Variants in NTM observed in about 807,000 individuals in gnomAD.
NTM encodes the protein IgLON family member 2.
Under a neutral mutation model 42.1 loss-of-function variants are expected in NTM, and 13 were observed. That is an observed-to-expected ratio of 0.31 (90% confidence interval 0.20 to 0.49). The LOEUF is 0.49. Among genes scored for constraint, NTM ranks in the 20% least tolerant of loss-of-function variants. NTM has a pLI of 0.99. For synonymous variants in NTM, 187 were observed against 179.2 expected (o/e 1.04, Z -0.35); for missense variants, 373 against 452.8 (o/e 0.82, Z 1.60).
At chr11:132,015,476 T>C (rs1362055420) in intron 2 of NTM, among the ~76,000 whole-genome samples, 2 of 151,972 alleles carry the variant, frequency 1.3e-5, no homozygotes, top group African/African-American at 4.8e-5. Flanking sequence ...TGTAGATTGC[T>C]TTGGGTAGTA....
intron 1 of NTM, among the ~76,000 whole-genome samples, chr11:131,594,621 A>G (rs1003394978): frequency 2.0e-5 from 3 of 152,112 alleles, no homozygotes; most frequent in Non-Finnish European, 2.9e-5. Flanking sequence ...CTGTTCTCCA[A>G]CTACGGGGCT....
intron 1 of NTM, among the ~76,000 whole-genome samples, chr11:131,702,752 T>C (rs2076203090): frequency 6.6e-6 from 1 of 152,212 alleles, no homozygotes; most frequent in African/African-American, 2.4e-5. Flanking sequence ...GAGAGAATAA[T>C]GTTGATTTTT....
intron 2 of NTM, among the ~76,000 whole-genome samples, chr11:132,070,812 T>C (rs2057484982): frequency 7.0e-6 from 1 of 142,058 alleles, no homozygotes; most frequent in African/African-American, 2.6e-5. Context: ...CGTCACAGGT[T>C]AGTTAACACG....
chr11:131,954,229 G>A (rs923878209), intron 2 of NTM, among the ~76,000 whole-genome samples: 11 of 152,212 alleles, frequency 7.2e-5, no homozygotes, highest in African/African-American at 2.2e-4. Flanking sequence ...AGCACAGGAC[G>A]CTTCACTCAG....
At chr11:132,191,403 C>T (rs2079305679) in intron 3 of NTM, among the ~76,000 whole-genome samples, 1 of 152,206 alleles carries the variant, frequency 6.6e-6, no homozygotes, top group African/African-American at 2.4e-5. Context: ...GCACACTGCC[C>T]AGGAGTGATC....
In NTM at chr11:132,146,792, C is replaced by G; in HGVS notation, c.400+278C>G. The G allele has an allele frequency of 2.4e-6, 1 of 412,188 alleles. No individual in the cohort carries two copies. Among genetic ancestry groups the G allele is most frequent in the Non-Finnish European group, 4.3e-6 (1 of 234,160 alleles). The allele number at this position is 412,188 out of a possible 1,614,324, so 25.5% of individuals were successfully genotyped here. ...ATTGCTCTTCTTGGCTTTTTTCTCC[C>G]CTAAGTTTTAGTTATTTTTGTTTGT... On this transcript the variant is annotated intron_variant, in intron 3 of 8. Coordinates refer to ENST00000683400, the MANE Select transcript of NTM (RefSeq NM_001352005.2). This position sits in a 1 kb window ranked among gnomAD's most constrained non-coding sequence, Gnocchi z 4.5.
intron 1 of NTM, among the ~76,000 whole-genome samples, chr11:131,717,361 T>A (rs1417917932): frequency 2.0e-5 from 3 of 152,286 alleles, no homozygotes; most frequent in Admixed American, 2.0e-4. Flanking sequence ...CATGACTGAT[T>A]AGTTTAGTAT....
rs1446801058 is a variant in NTM at position 131,424,595 on chromosome 11, C to CT, written c.82+53711dup. On this transcript the variant is annotated intron_variant, in intron 1 of 8. Transcript: ENST00000683400. ...TGCTTAGTTGTTTTTTATTTCTTTTCTTTTCTTTTTTTTTTTTTTTTTTGG... is the reference window on the plus strand; with the variant it reads ...TGCTTAGTTGTTTTTTATTTCTTTTCTTTTTCTTTTTTTTTTTTTTTTTTGG... Among the ~76,000 whole-genome samples the CT allele has an allele frequency of 4.5e-4, 18 of 39,624 alleles. 3 individuals are homozygous for CT. In the East Asian group the frequency reaches 9.5e-3, roughly 21 times the overall value. The allele number at this position is 39,624 out of a possible 152,430, so 26.0% of individuals were successfully genotyped here.
chr11:131,849,096 A>G (rs2045242740), intron 1 of NTM, among the ~76,000 whole-genome samples: 1 of 152,106 alleles, frequency 6.6e-6, no homozygotes, highest in Non-Finnish European at 1.5e-5. Flanking sequence ...AAGCTTCCCT[A>G]TTTTGGCTTA....
chr11:132,163,124 G>T lies in NTM; in HGVS notation c.400+16610G>T, dbSNP rs540732202. On this transcript the variant is annotated intron_variant, in intron 3 of 8. Coordinates refer to ENST00000683400, the MANE Select transcript of NTM (RefSeq NM_001352005.2). Reference sequence around the variant, plus strand: ...TGCAGAGAGGCCCTGCCTGCCATTTGTTCTGGCCCAGCCACGGGCAAGCAT... The same window carrying T: ...TGCAGAGAGGCCCTGCCTGCCATTTTTTCTGGCCCAGCCACGGGCAAGCAT... 3.3e-5 allele frequency among the ~76,000 whole-genome samples: 5 copies of T among 152,318 alleles called. No homozygotes were observed. In the South Asian group the frequency reaches 1.0e-3, roughly 32 times the overall value.
chr11:131,873,989 T>TTTAC (rs2048180259), intron 1 of NTM, among the ~76,000 whole-genome samples: 1 of 93,890 alleles, frequency 1.1e-5, no homozygotes, highest in East Asian at 3.4e-4. Context: ...ATATATTATA[T>TTTAC]ATATTATATT....
chr11:132,091,787 T>A (rs1473945446), intron 2 of NTM, among the ~76,000 whole-genome samples: 1 of 152,206 alleles, frequency 6.6e-6, no homozygotes, highest in Non-Finnish European at 1.5e-5. Context: ...CAGTCCCACG[T>A]GTTTTTATTA....
chr11:131,384,680 G>A (rs1943095756), intron 1 of NTM, among the ~76,000 whole-genome samples: 1 of 152,166 alleles, frequency 6.6e-6, no homozygotes, highest in Admixed American at 6.5e-5. Flanking sequence ...GGTGGGAGGA[G>A]TGGCGAATCC....
chr11:131,415,039 G>A (rs186852158), intron 1 of NTM, among the ~76,000 whole-genome samples: 1 of 152,316 alleles, frequency 6.6e-6, no homozygotes, highest in East Asian at 1.9e-4. Context: ...AGCCAGGTCA[G>A]ATTCTTCCCT....
intron 1 of NTM, among the ~76,000 whole-genome samples, chr11:131,415,970 G>A (rs1946903870): frequency 6.6e-6 from 1 of 152,160 alleles, no homozygotes; most frequent in Non-Finnish European, 1.5e-5. Context: ...AAGGTTGTCA[G>A]ACTTGGAAAA....
At chr11:131,973,211 A>G (rs1188797054) in intron 2 of NTM, among the ~76,000 whole-genome samples, 1 of 152,222 alleles carries the variant, frequency 6.6e-6, no homozygotes, top group East Asian at 1.9e-4. Flanking sequence ...GTCAGATGTC[A>G]TATCACCTCT....
intron 4 of NTM, among the ~76,000 whole-genome samples, chr11:132,283,449 T>C (rs911587673): frequency 2.0e-5 from 3 of 152,186 alleles, no homozygotes; most frequent in Non-Finnish European, 4.4e-5. Context: ...GATTCATTGT[T>C]CTAGTGCAGG....
In NTM at chr11:131,972,042, C is replaced by CAAAAAAAAAAAAA. The variant is rs61627120; in HGVS notation, c.167+60403_167+60415dup. On this transcript the variant is annotated intron_variant, in intron 2 of 8. Transcript: ENST00000683400. Reference sequence around the variant, plus strand: ...TGGGCGACAGAGTGAGACTCCGTCTCAAAAAAAAAAAAAAAAAAAAATTAG... The same window carrying CAAAAAAAAAAAAA: ...TGGGCGACAGAGTGAGACTCCGTCTCAAAAAAAAAAAAAAAAAAAAAAAAAAAAAAAAAATTAG... 7.7e-3 allele frequency among the ~76,000 whole-genome samples: 446 copies of CAAAAAAAAAAAAA among 57,756 alleles called. 37 individuals are homozygous for CAAAAAAAAAAAAA. Among genetic ancestry groups the CAAAAAAAAAAAAA allele is most frequent in the Middle Eastern group, 0.014 (1 of 70 alleles). The allele number at this position is 57,756 out of a possible 152,430, so 37.9% of individuals were successfully genotyped here.
intron 1 of NTM, among the ~76,000 whole-genome samples, chr11:131,552,731 T>C (rs2054866165): frequency 6.9e-6 from 1 of 144,436 alleles, no homozygotes; most frequent in African/African-American, 2.6e-5. Flanking sequence ...GGCAGGAGAA[T>C]GGTGTGAACC....
Sources: allele counts gnomAD v4.1 joint callset (sites outside exome capture counted in the v4.1 genomes callset), GRCh38; gene constraint gnomAD v4.1.1; non-coding constraint Gnocchi (gnomAD v3.1); transcripts MANE v1.5; gene names NCBI Gene and HGNC (gene_info 2026-07-23, HGNC 2026-07-21).